BRAT1: variants seen among roughly 807,000 people sequenced by gnomAD.
The protein encoded by BRAT1 is BRCA1 associated ATM activator 1.
In BRAT1, 74 loss-of-function variants were observed where a neutral mutation model predicts 70.6. The observed-to-expected ratio is 1.05, with a 90% CI of 0.87 to 1.27. The LOEUF is 1.27. Ranked by LOEUF, BRAT1 falls within the 50% of genes most tolerant of loss-of-function variation. The pLI, the probability that BRAT1 is intolerant of heterozygous loss-of-function variation, is 0.00. For synonymous variants in BRAT1, 615 were observed against 517.1 expected (o/e 1.19, Z -2.57); for missense variants, 1,203 against 1,098.2 (o/e 1.10, Z -1.35).
intron 10 of BRAT1, chr7:2,540,507 G>A (rs1222515878): frequency 6.2e-6 from 1 of 160,062 alleles, no homozygotes; most frequent in Non-Finnish European, 1.4e-5. Flanking sequence ...CAATTACGCA[G>A]GGCACCTTTT....
rs746669517 is a variant in BRAT1, at chr7:2,539,781, G to A, written c.1498+5C>T. The A allele has an allele frequency of 9.9e-6, 16 of 1,609,420 alleles. No individual in the cohort carries two copies. Among genetic ancestry groups the A allele is most frequent in the East Asian group, 2.2e-5 (1 of 44,696 alleles). Reference sequence around the variant, plus strand: ...TCCGTTCACCCCTGCAAGGGGCTGCGTTACCTCTGAGGAACTGCGGGATGA... The same window carrying A: ...TCCGTTCACCCCTGCAAGGGGCTGCATTACCTCTGAGGAACTGCGGGATGA... On this transcript the variant is annotated splice_donor_5th_base_variant and intron_variant, in intron 11 of 13. Transcript: ENST00000340611.
chr7:2,542,389 G>C, intron 6 of BRAT1, 178 bp from the exon 7 acceptor site: 1 of 621,338 alleles, frequency 1.6e-6, no homozygotes, highest in South Asian at 1.9e-5. Context: ...GGGGAGGACA[G>C]GCCTGACCAA....
In BRAT1 at chr7:2,541,064, G is replaced by A. The variant is rs200963118; in HGVS notation, c.1322-12C>T. On this transcript the variant is annotated splice_polypyrimidine_tract_variant and intron_variant, in intron 9 of 13. Transcript: ENST00000340611. ...CAGCTCCTGGGGGCCTGAGACAGAGGTGAGTGGATAAACCACCCCCACCCC... is the reference window on the plus strand; with the variant it reads ...CAGCTCCTGGGGGCCTGAGACAGAGATGAGTGGATAAACCACCCCCACCCC... The A allele has an allele frequency of 1.6e-4, 256 of 1,560,102 alleles. No individual in the cohort carries two copies. The African/African-American group carries it at 3.2e-3, about 19-fold the overall frequency.
Position 2,541,706 on chromosome 7 carries a change from G to A in BRAT1, c.1134+12C>T, listed in dbSNP as rs1200326963. 6.2e-7 allele frequency: 1 copy of A among 1,600,914 alleles called. No homozygotes were observed. The highest frequency in any genetic ancestry group is 1.3e-5 in the African/African-American group (1 of 74,910). ...ATGCTGCTGGGCTGCATGAGGACCG[G>A]GCCGCACCTACCAGCGGCTGCAGCT... On this transcript the variant is annotated intron_variant, in intron 8 of 13. Transcript: ENST00000340611.
chr7:2,541,271 C>T (rs752077881), intron 9 of BRAT1, 27 bp downstream of exon 9: 11 of 1,543,156 alleles, frequency 7.1e-6, no homozygotes, highest in South Asian at 2.4e-5. Context: ...GATAGCCCCA[C>T]GCCAAAGCCG....
intron 2 of BRAT1, among the ~76,000 whole-genome samples, chr7:2,551,422 G>T (rs955928142): frequency 6.6e-6 from 1 of 151,808 alleles, no homozygotes; most frequent in Non-Finnish European, 1.5e-5. Context: ...CAGGCATGGT[G>T]GCTCGCTCCT....
chr7:2,543,545 A>G lies in BRAT1; in HGVS notation c.803+45T>C. On this transcript the variant is annotated intron_variant, in intron 5 of 13. Coordinates refer to ENST00000340611, the MANE Select transcript of BRAT1 (RefSeq NM_152743.4). This position sits in a 1 kb window ranked among gnomAD's most constrained non-coding sequence, Gnocchi z 5.5. ...CATCCCTGGGCGTTATCCGAGGAAA[A>G]CAGTTGCCCACCCAGGCCCCCCAGC... 1 of 1,497,192 alleles carries G rather than the reference A, an allele frequency of 6.7e-7. No homozygotes were observed. The highest frequency in any genetic ancestry group is 8.9e-7 in the Non-Finnish European group (1 of 1,123,630). 92.7% of individuals were successfully genotyped at this position (1,497,192 alleles called of 1,614,324 possible).
Position 2,554,168 on chromosome 7 carries a change from A to G in BRAT1, c.127+137T>C, listed in dbSNP as rs1488670935. ...AGTCTGCCACAGATAATCCTTAGGAAGTGAAGGAAAGACATCTGATTGGCA... is the reference window on the plus strand; with the variant it reads ...AGTCTGCCACAGATAATCCTTAGGAGGTGAAGGAAAGACATCTGATTGGCA... On this transcript the variant is annotated intron_variant, in intron 2 of 13. Transcript: ENST00000340611. 7 of 1,198,770 alleles carry G rather than the reference A, an allele frequency of 5.8e-6. No homozygotes were observed. The East Asian group carries it at 1.5e-4, about 26-fold the overall frequency. 74.3% of individuals were successfully genotyped at this position (1,198,770 alleles called of 1,614,324 possible). A position where few individuals can be genotyped will look rare whatever the true frequency, so the allele number is the denominator to read the frequency against.
At position 2,538,109 on chromosome 7, in the gene BRAT1, G is replaced by A. The variant is rs779616647; in HGVS notation, c.2426C>T (p.Thr809Met). 6.3e-6 allele frequency: 10 copies of A among 1,591,654 alleles called. No individual in the cohort carries two copies. The highest frequency in any genetic ancestry group is 7.7e-6 in the Non-Finnish European group (9 of 1,164,348). Residue 809 changes from threonine (T) to methionine (M), a missense_variant, in exon 14 of 14, where the codon ACG (threonine) becomes ATG (methionine). Physicochemically the swap from Thr to Met is moderately conservative, Grantham distance 81. Coordinates refer to ENST00000340611, the MANE Select transcript of BRAT1 (RefSeq NM_152743.4). ...PQSLLQDMLA[T>M]GGFLQGDEAD... is the part of the protein sequence containing the mutation. The stretch of plus-strand genomic sequence containing the variant: ...CTCGTCCCCCTGCAGGAAGCCTCCC[G>A]TGGCCAGCATGTCCTGCAGGAGGGA...
At chr7:2,541,118 G>A in intron 9 of BRAT1, 66 bp from the exon 10 acceptor site, 1 of 1,468,360 alleles carries the variant, frequency 6.8e-7, no homozygotes, top group Non-Finnish European at 9.0e-7. Flanking sequence ...ATCAACTCTG[G>A]GAAGGAGCAG....
At position 2,540,966 on chromosome 7, in the gene BRAT1, C is replaced by G; in HGVS notation, c.1395+13G>C. On this transcript the variant is annotated intron_variant, in intron 10 of 13. Coordinates refer to ENST00000340611, the MANE Select transcript of BRAT1 (RefSeq NM_152743.4). Reference sequence around the variant, plus strand: ...CTCCCTCCTCTCCTCGCTCTCTATCCCCACCACCGTACCGTGGGGCTGGAG... The same window carrying G: ...CTCCCTCCTCTCCTCGCTCTCTATCGCCACCACCGTACCGTGGGGCTGGAG... 1 of 1,534,058 alleles carries G rather than the reference C, an allele frequency of 6.5e-7. No homozygotes were observed. Among genetic ancestry groups the G allele is most frequent in the Non-Finnish European group, 8.7e-7 (1 of 1,151,604 alleles).
chr7:2,543,316 C>T lies in BRAT1; in HGVS notation c.811G>A (p.Val271Met), dbSNP rs746527927. The change falls in exon 6 of 14, where the codon GTG becomes ATG. Residue 271 changes from valine to methionine, a missense_variant. By Grantham distance (21) the Val-to-Met change is conservative. Transcript: ENST00000340611. The surrounding 1 kb of genome is among the most constrained non-coding windows in gnomAD (Gnocchi z 5.5). ...AGGCTGCCGTCGGAAGAACTGAACA[C>T]GGGAGAACTGCAGGGAGACCCCAGA... ...DLLLCVARSP[V>M]FSSSDGSLWE... 4.0e-5 allele frequency: 64 copies of T among 1,600,804 alleles called. No homozygotes were observed. The highest frequency in any genetic ancestry group is 1.2e-4 in the Admixed American group (7 of 57,984).
chr7:2,539,288 A>C lies in BRAT1; in HGVS notation c.1661T>G (p.Leu554Arg). The change falls in exon 13 of 14, where the codon CTC becomes CGC. Residue 554 changes from leucine to arginine, a missense_variant. Coordinates refer to ENST00000340611, the MANE Select transcript of BRAT1 (RefSeq NM_152743.4). ...SEVPQLALQLLQDPESYVRAS... is the reference protein window; with the variant it reads ...SEVPQLALQLRQDPESYVRAS... ...TCGGACATAACTCTCAGGGTCCTGG[A>C]GGAGCTGCAGGGCCAGCTGAGGCAC... 1.9e-6 allele frequency: 3 copies of C among 1,611,966 alleles called. No individual in the cohort carries two copies. Among genetic ancestry groups the C allele is most frequent in the Non-Finnish European group, 2.5e-6 (3 of 1,179,888 alleles).
intron 13 of BRAT1, 112 bp downstream of exon 13, chr7:2,539,067 A>T (rs1302472165): frequency 1.6e-5 from 23 of 1,470,810 alleles, no homozygotes; most frequent in Middle Eastern, 5.1e-4. Context: ...GGCGCTGCCC[A>T]CAGCAGCAGC....
chr7:2,554,482 C>A (rs754046668), intron 1 of BRAT1, 35 bp from the exon 2 acceptor site: 1 of 1,583,482 alleles, frequency 6.3e-7, no homozygotes, highest in Non-Finnish European at 8.6e-7. Flanking sequence ...ACCTCAATGC[C>A]CACTCCAGAC....
At chr7:2,550,521 T>C (rs543459138) in intron 2 of BRAT1, among the ~76,000 whole-genome samples, 9 of 65,644 alleles carry the variant, frequency 1.4e-4, no homozygotes, top group Admixed American at 4.0e-4. Flanking sequence ...AAAAAAATAA[T>C]ATGTAAAGCG....
chr7:2,540,008 GGA>G, intron 10 of BRAT1, 120 bp from the exon 11 acceptor site: 1 of 675,146 alleles, frequency 1.5e-6, no homozygotes, highest in East Asian at 3.1e-5. Context: ...GACAGGAAGT[GGA>G]GAGAGAAGGG....
Position 2,543,768 on chromosome 7 carries a change from C to T in BRAT1, c.625G>A (p.Ala209Thr), listed in dbSNP as rs764886085. 3 of 1,608,092 alleles carry T rather than the reference C, an allele frequency of 1.9e-6. No homozygotes were observed. Among genetic ancestry groups the T allele is most frequent in the African/African-American group, 1.3e-5 (1 of 74,834 alleles). The change falls in exon 5 of 14, where the codon GCG (alanine) becomes ACG (threonine). Residue 209 changes from alanine (A) to threonine (T), a missense_variant. Ala to Thr is a moderately conservative substitution (Grantham distance 58, BLOSUM62 0). Transcript: ENST00000340611. The surrounding 1 kb of genome is among the most constrained non-coding windows in gnomAD (Gnocchi z 5.5). Reference protein sequence around the residue: ...MDHVEESLCSAATPKVTQALN... With the variant: ...MDHVEESLCSTATPKVTQALN... Reference sequence around the variant, plus strand: ...GCCTGAGTGACCTTGGGGGTGGCCGCGGAGCACAAGGACTCTTCAACGTGA... The same window carrying T: ...GCCTGAGTGACCTTGGGGGTGGCCGTGGAGCACAAGGACTCTTCAACGTGA...
rs994170901 is a variant in BRAT1 at position 2,541,027 on chromosome 7, C to T, written c.1347G>A (p.Ala449=). 9 of 1,572,340 alleles carry T rather than the reference C, an allele frequency of 5.7e-6. No homozygotes were observed. Among genetic ancestry groups the T allele is most frequent in the East Asian group, 2.3e-5 (1 of 43,202 alleles). ...GTGPQELVTQ[A]LAVLLECLES... ...CGAGGCACTCCAGGAGGACAGCAAG[C>T]GCCTGCGTCACCAGCTCCTGGGGGC... Residue 449 remains alanine (A), a synonymous_variant, in exon 10 of 14, where the codon GCG becomes GCA. Transcript: ENST00000340611.
Sources: gnomAD v4.1 joint callset for allele counts (sites outside exome capture counted in the v4.1 genomes callset) on GRCh38, gnomAD v4.1.1 for gene constraint, Gnocchi (gnomAD v3.1) non-coding constraint, MANE v1.5 for transcripts, NCBI Gene and HGNC (gene_info 2026-07-23, HGNC 2026-07-21) for gene names.